CCR3: variants seen among roughly 807,000 people sequenced by gnomAD.
CCR3 encodes the protein C-C chemokine receptor type 3.
For synonymous variants in CCR3, 203 were observed against 179.2 expected (o/e 1.13, Z -1.06); for missense variants, 419 against 437.5 (o/e 0.96, Z 0.38).
At chr3:46,229,209 C>T (rs1244134033) in intron 2 of CCR3, among the ~76,000 whole-genome samples, 1 of 152,138 alleles carries the variant, frequency 6.6e-6, no homozygotes, top group Non-Finnish European at 1.5e-5. Context: ...TGTCTCCTTC[C>T]TTTGGGTGGT....
intron 2 of CCR3, among the ~76,000 whole-genome samples, chr3:46,231,535 A>T (rs1283682515): frequency 1.3e-5 from 2 of 152,248 alleles, no homozygotes; most frequent in African/African-American, 4.8e-5. Context: ...AAGATGAATA[A>T]GTCCTAGAGA....
intron 2 of CCR3, among the ~76,000 whole-genome samples, chr3:46,230,555 TGCTTA>T (rs1018430720): frequency 6.6e-6 from 1 of 152,086 alleles, no homozygotes; most frequent in African/African-American, 2.4e-5. Context: ...TTGGGCCCGT[TGCTTA>T]ACAAACTCAC....
At chr3:46,232,881 G>A (rs766926288) in intron 2 of CCR3, among the ~76,000 whole-genome samples, 1 of 152,194 alleles carries the variant, frequency 6.6e-6, no homozygotes, top group African/African-American at 2.4e-5. Context: ...TGCCCAGGCT[G>A]GAGTGCAGTG....
At chr3:46,239,392 A>G (rs1179747634), upstream of CCR3, among the ~76,000 whole-genome samples, 1 of 152,196 alleles carries the variant, frequency 6.6e-6, no homozygotes, top group East Asian at 1.9e-4. Flanking sequence ...CTCTGCAGAG[A>G]TGTCATTTGG....
intron 2 of CCR3, among the ~76,000 whole-genome samples, chr3:46,233,289 G>A (rs1342701045): frequency 2.6e-5 from 4 of 152,192 alleles, no homozygotes; most frequent in African/African-American, 9.7e-5. Context: ...ACACAAGTCT[G>A]GCTGGAGCCC....
In CCR3 at chr3:46,228,656, A is replaced by G. The variant is rs115614519; in HGVS notation, c.-67-13746A>G. Among the ~76,000 whole-genome samples the G allele has an allele frequency of 3.1e-3, 476 of 152,386 alleles. 5 individuals are homozygous for G. Among genetic ancestry groups the G allele is most frequent in the African/African-American group, 0.011 (439 of 41,596 alleles). On this transcript the variant is annotated intron_variant, in intron 2 of 3. Transcript: ENST00000357422. ...CAATTGGTTTGTTCTGCCCAATGTT[A>G]ACAGCACAGGCTTAGGAATTAAAAA...
upstream of CCR3, among the ~76,000 whole-genome samples, chr3:46,238,525 C>T (rs1700045137): frequency 2.0e-5 from 3 of 152,162 alleles, no homozygotes; most frequent in Non-Finnish European, 4.4e-5. Context: ...ATGTCCACCA[C>T]AAGGGGATCA....
At chr3:46,227,813 G>A (rs184661122) in intron 2 of CCR3, among the ~76,000 whole-genome samples, 1 of 152,208 alleles carries the variant, frequency 6.6e-6, no homozygotes, top group Admixed American at 6.5e-5. Context: ...ACATTTTCAA[G>A]TGTTTAGAGA....
intron 2 of CCR3, among the ~76,000 whole-genome samples, chr3:46,229,420 G>A (rs1699937573): frequency 1.3e-5 from 2 of 152,102 alleles, no homozygotes; most frequent in South Asian, 4.2e-4. Context: ...TATAGAAATT[G>A]GTACCTTGAA....
intron 2 of CCR3, among the ~76,000 whole-genome samples, chr3:46,234,488 T>A (rs1384545442): frequency 6.6e-6 from 1 of 152,080 alleles, no homozygotes; most frequent in Non-Finnish European, 1.5e-5. Context: ...GCTCCAGATG[T>A]TATCTGGAGC....
At chr3:46,228,531 A>G (rs1699928673) in intron 2 of CCR3, among the ~76,000 whole-genome samples, 1 of 152,170 alleles carries the variant, frequency 6.6e-6, no homozygotes. Flanking sequence ...TGATCTTTTA[A>G]TGATATGACA....
intron 1 of CCR3, among the ~76,000 whole-genome samples, chr3:46,261,534 G>A (rs1020139285): frequency 1.3e-5 from 2 of 152,220 alleles, no homozygotes; most frequent in African/African-American, 4.8e-5. Flanking sequence ...CAGGGAATGT[G>A]AGAAGAGACA....
chr3:46,213,377 G>T (rs1358085970), intron 2 of CCR3, among the ~76,000 whole-genome samples: 4 of 152,228 alleles, frequency 2.6e-5, no homozygotes, highest in Non-Finnish European at 5.9e-5. Context: ...AAGCTGTAAA[G>T]CATTTTAAGG....
intron 2 of CCR3, among the ~76,000 whole-genome samples, chr3:46,232,863 T>C (rs1366947243): frequency 1.3e-5 from 2 of 152,238 alleles, no homozygotes; most frequent in African/African-American, 4.8e-5. Flanking sequence ...GATGAAGTCT[T>C]GCTCTGTTGC....
chr3:46,256,643 G>T (rs1231562083), intron 1 of CCR3, among the ~76,000 whole-genome samples: 2 of 152,194 alleles, frequency 1.3e-5, no homozygotes, highest in Admixed American at 1.3e-4. Context: ...ATGAGCAGAT[G>T]AATTTTATTC....
intron 2 of CCR3, among the ~76,000 whole-genome samples, chr3:46,212,917 G>C (rs899324353): frequency 1.3e-5 from 2 of 152,170 alleles, no homozygotes; most frequent in African/African-American, 2.4e-5. Flanking sequence ...ACTTCTTAGG[G>C]GGGTAGGGGG....
chr3:46,261,576 T>G (rs536461252), intron 1 of CCR3, among the ~76,000 whole-genome samples: 1 of 152,332 alleles, frequency 6.6e-6, no homozygotes, highest in East Asian at 1.9e-4. Context: ...GTCACACCTG[T>G]GGATCCCTAC....
intron 1 of CCR3, among the ~76,000 whole-genome samples, chr3:46,260,369 C>G (rs1700500890): frequency 6.6e-6 from 1 of 152,222 alleles, no homozygotes; most frequent in Non-Finnish European, 1.5e-5. Context: ...CACAGTCCAA[C>G]ATCTCATCTG....
chr3:46,265,619 G>A lies in CCR3; in HGVS notation c.461G>A (p.Ser154Asn). ...ARTVTFGVIT[S>N]IVTWGLAVLA... ...ACTGTCACTTTTGGTGTCATCACCA[G>A]CATCGTCACCTGGGGCCTGGCAGTG... is the stretch of plus-strand genomic sequence containing the variant. The change falls in exon 2 of 2, where the codon AGC (serine) becomes AAC (asparagine). Residue 154 changes from serine (S) to asparagine (N), a missense_variant. Physicochemically the swap from Ser to Asn is conservative, Grantham distance 46. Coordinates refer to ENST00000395940, the MANE Select transcript of CCR3 (RefSeq NM_178329.3). 1.9e-6 allele frequency: 3 copies of A among 1,614,112 alleles called. No homozygotes were observed. Among genetic ancestry groups the A allele is most frequent in the Non-Finnish European group, 2.5e-6 (3 of 1,180,010 alleles).
Sources: gnomAD v4.1 joint callset for allele counts (sites outside exome capture counted in the v4.1 genomes callset) on GRCh38, gnomAD v4.1.1 for gene constraint, MANE v1.5 for transcripts, NCBI Gene and HGNC (gene_info 2026-07-23, HGNC 2026-07-21) for gene names.